The following IL17C variants were observed in gnomAD, a reference collection of about 807,000 sequenced individuals.
The protein encoded by IL17C is interleukin 17C.
In IL17C, 13 loss-of-function variants were observed where a neutral mutation model predicts 11.0. The observed-to-expected ratio is 1.18, with a 90% CI of 0.77 to 1.88. The LOEUF (loss-of-function observed/expected upper bound fraction) is 1.88, where lower values mean the gene tolerates loss of function less well. Among genes scored for constraint, IL17C ranks in the 40% most tolerant of loss-of-function variants. IL17C has a pLI of 0.00. For missense variants in IL17C, 357 were observed against 278.2 expected (o/e 1.28, Z -2.01); for synonymous variants, 150 against 125.8 (o/e 1.19, Z -1.29).
Position 88,640,074 on chromosome 16 carries a change from C to A in IL17C, c.*2C>A. Reference sequence around the variant, plus strand: ...TGCGTGCTGCCCCGTTCAGTGTGACCGCCGAGGCCGTGGGGCCCCTAGACT... The same window carrying A: ...TGCGTGCTGCCCCGTTCAGTGTGACAGCCGAGGCCGTGGGGCCCCTAGACT... On this transcript the variant is annotated 3_prime_UTR_variant, in exon 3 of 3. Transcript: ENST00000244241. 1 of 1,543,268 alleles carries A rather than the reference C, an allele frequency of 6.5e-7. No homozygotes were observed. The highest frequency in any genetic ancestry group is 1.2e-5 in the South Asian group (1 of 81,278).
Position 88,638,627 on chromosome 16 carries a change from C to T in IL17C, c.-15C>T, listed in dbSNP as rs762194120. Reference sequence around the variant, plus strand: ...GCAGGCCGCTCCAAGCCCAGCCTGCCCCGCTGCCGCCACCATGACGGTGAG... The same window carrying T: ...GCAGGCCGCTCCAAGCCCAGCCTGCTCCGCTGCCGCCACCATGACGGTGAG... On this transcript the variant is annotated 5_prime_UTR_variant, in exon 1 of 3. Transcript: ENST00000244241. The T allele has an allele frequency of 2.5e-6, 4 of 1,612,572 alleles. No homozygotes were observed. Among genetic ancestry groups the T allele is most frequent in the South Asian group, 1.1e-5 (1 of 91,060 alleles).
Position 88,640,019 on chromosome 16 carries a change from G to A in IL17C, c.541G>A (p.Glu181Lys), listed in dbSNP as rs1338619132. 1.2e-5 allele frequency: 19 copies of A among 1,600,470 alleles called. No individual in the cohort carries two copies. Among genetic ancestry groups the A allele is most frequent in the African/African-American group, 4.0e-5 (3 of 74,642 alleles). ...ACCTGGGGCCTTTGCCTTCCACACCGAGTTCATCCACGTCCCCGTCGGCTG... is the reference window on the plus strand; with the variant it reads ...ACCTGGGGCCTTTGCCTTCCACACCAAGTTCATCCACGTCCCCGTCGGCTG... Reference protein sequence around the residue: ...PTPGAFAFHTEFIHVPVGCTC... With the variant: ...PTPGAFAFHTKFIHVPVGCTC... The change falls in exon 3 of 3, where the codon GAG becomes AAG. Residue 181 changes from glutamate to lysine, a missense_variant. Coordinates refer to ENST00000244241, the MANE Select transcript of IL17C (RefSeq NM_013278.4).
Position 88,639,819 on chromosome 16 carries a change from A to G in IL17C, c.341A>G (p.Asp114Gly). The change falls in exon 3 of 3, where the codon GAC (aspartate) becomes GGC (glycine). Residue 114 changes from aspartate to glycine, a missense_variant. Asp to Gly is a moderately conservative substitution (Grantham distance 94). Coordinates refer to ENST00000244241, the MANE Select transcript of IL17C (RefSeq NM_013278.4). The surrounding 1 kb of genome is among the most constrained non-coding windows in gnomAD (Gnocchi z 5.1). ...RSISPWRYRV[D>G]TDEDRYPQKL... ...CTGTGCACCCCGTCCCGCAGTGTGG[A>G]CACGGATGAGGACCGCTATCCACAG... The G allele has an allele frequency of 6.4e-7, 1 of 1,560,760 alleles. No individual in the cohort carries two copies. The highest frequency in any genetic ancestry group is 8.7e-7 in the Non-Finnish European group (1 of 1,152,578).
Position 88,640,272 on chromosome 16 carries a change from C to G in IL17C, c.*200C>G, listed in dbSNP as rs960113204. The G allele has an allele frequency of 3.4e-5, 19 of 557,454 alleles. No individual in the cohort carries two copies. Among genetic ancestry groups the G allele is most frequent in the Non-Finnish European group, 5.1e-5 (17 of 330,280 alleles). 34.5% of individuals were successfully genotyped at this position (557,454 alleles called of 1,614,324 possible). On this transcript the variant is annotated 3_prime_UTR_variant, in exon 3 of 3. Coordinates refer to ENST00000244241, the MANE Select transcript of IL17C (RefSeq NM_013278.4). Reference sequence around the variant, plus strand: ...GTTGGGGGTAGAAGGAGCTCAGCACCTCTTCCAGCCCTTAAAGCTGCAGAA... The same window carrying G: ...GTTGGGGGTAGAAGGAGCTCAGCACGTCTTCCAGCCCTTAAAGCTGCAGAA...
chr16:88,639,663 C>T lies in IL17C; in HGVS notation c.336-151C>T, dbSNP rs958599251. Reference sequence around the variant, plus strand: ...CCTGGGGAGACGTGGATTACCACCACATGTGAGCCCGACTGCACCCCAAGC... The same window carrying T: ...CCTGGGGAGACGTGGATTACCACCATATGTGAGCCCGACTGCACCCCAAGC... On this transcript the variant is annotated intron_variant, in intron 2 of 2. Coordinates refer to ENST00000244241, the MANE Select transcript of IL17C (RefSeq NM_013278.4). The surrounding 1 kb of genome is among the most constrained non-coding windows in gnomAD (Gnocchi z 5.1). The T allele has an allele frequency of 2.1e-6, 2 of 953,212 alleles. No homozygotes were observed. Among genetic ancestry groups the T allele is most frequent in the Admixed American group, 6.2e-5 (2 of 32,048 alleles). 59.0% of individuals were successfully genotyped at this position (953,212 alleles called of 1,614,324 possible). A position where few individuals can be genotyped will look rare whatever the true frequency, so the allele number is the denominator to read the frequency against.
chr16:88,638,648 G>A lies in IL17C; in HGVS notation c.6+1G>A. On this transcript the variant is annotated splice_donor_variant, in intron 1 of 2. Coordinates refer to ENST00000244241, the MANE Select transcript of IL17C (RefSeq NM_013278.4). LOFTEE classifies it high-confidence loss of function. ...CTGCCCCGCTGCCGCCACCATGACG[G>A]TGAGCCTCTCCACATGCCGCTCGGA... is the stretch of plus-strand genomic sequence containing the variant. The A allele has an allele frequency of 6.2e-7, 1 of 1,612,956 alleles. No individual in the cohort carries two copies. Among genetic ancestry groups the A allele is most frequent in the Non-Finnish European group, 8.5e-7 (1 of 1,180,010 alleles).
Position 88,640,090 on chromosome 16 carries a change from CCCCTAGACTGGACACGTGTGCT to C in IL17C, c.*22_*43del. 1 of 1,531,094 alleles carries C rather than the reference CCCCTAGACTGGACACGTGTGCT, an allele frequency of 6.5e-7. No individual in the cohort carries two copies. The highest frequency in any genetic ancestry group is 8.8e-7 in the Non-Finnish European group (1 of 1,138,396). 94.8% of individuals were successfully genotyped at this position (1,531,094 alleles called of 1,614,324 possible). Reference sequence around the variant, plus strand: ...CAGTGTGACCGCCGAGGCCGTGGGGCCCCTAGACTGGACACGTGTGCTCCCCAGAGGGCACCCCCTATTTATG... The same window carrying C: ...CAGTGTGACCGCCGAGGCCGTGGGGCCCCCAGAGGGCACCCCCTATTTATG... On this transcript the variant is annotated 3_prime_UTR_variant, in exon 3 of 3. Coordinates refer to ENST00000244241, the MANE Select transcript of IL17C (RefSeq NM_013278.4).
At chr16:88,638,901 G>A (rs1443614124) in intron 1 of IL17C, 80 bp from the exon 2 acceptor site, 2 of 1,343,074 alleles carry the variant, frequency 1.5e-6, no homozygotes, top group Non-Finnish European at 2.1e-6. Flanking sequence ...CTTTCCGCTG[G>A]GAACAAGGAA....
Position 88,639,339 on chromosome 16 carries a change from G to A in IL17C, c.335+30G>A. The stretch of plus-strand genomic sequence containing the variant: ...GGACCTGGGGATTCCGCTGTGGCGT[G>A]GGGCTGCCCCTCCCCTGGCGGGGCC... On this transcript the variant is annotated intron_variant, in intron 2 of 2. Transcript: ENST00000244241. The surrounding 1 kb of genome is among the most constrained non-coding windows in gnomAD (Gnocchi z 5.1). 1.3e-6 allele frequency: 2 copies of A among 1,519,316 alleles called. No individual in the cohort carries two copies. Among genetic ancestry groups the A allele is most frequent in the Non-Finnish European group, 1.8e-6 (2 of 1,132,890 alleles). 94.1% of individuals were successfully genotyped at this position (1,519,316 alleles called of 1,614,324 possible). A position where few individuals can be genotyped will look rare whatever the true frequency, so the allele number is the denominator to read the frequency against.
At position 88,638,997 on chromosome 16, in the gene IL17C, T is replaced by C; in HGVS notation, c.23T>C (p.Leu8Pro). Residue 8 changes from leucine to proline, a missense_variant, in exon 2 of 3, where the codon CTG becomes CCG. Coordinates refer to ENST00000244241, the MANE Select transcript of IL17C (RefSeq NM_013278.4). The part of the protein sequence containing the change: MTLLPGL[L>P]FLTWLHTCLA... ...TTTCACCAGCTCCTCCCCGGCCTCC[T>C]GTTTCTGACCTGGCTGCACACATGC... 6.3e-7 allele frequency: 1 copy of C among 1,574,926 alleles called. No homozygotes were observed. Among genetic ancestry groups the C allele is most frequent in the African/African-American group, 1.3e-5 (1 of 74,306 alleles).
In IL17C at chr16:88,639,152, C is replaced by CTCG. The variant is rs1906980645; in HGVS notation, c.178_179insTCG (p.Gln60delinsLeuGlu). The CTCG allele has an allele frequency of 1.9e-5, 31 of 1,612,834 alleles. No homozygotes were observed. The highest frequency in any genetic ancestry group is 2.5e-5 in the Non-Finnish European group (30 of 1,179,956). On this transcript the variant is annotated protein_altering_variant, in exon 2 of 3. Coordinates refer to ENST00000244241, the MANE Select transcript of IL17C (RefSeq NM_013278.4). The surrounding 1 kb of genome is among the most constrained non-coding windows in gnomAD (Gnocchi z 5.1). The stretch of plus-strand genomic sequence containing the variant: ...GCTGGCTCGAGGTGCCAAGTGGGGG[C>CTCG]AGGCTTTGCCTGTAGCCCTGGTGTC...
Position 88,639,825 on chromosome 16 carries a change from A to G in IL17C, c.347A>G (p.Asp116Gly). ...ISPWRYRVDT[D>G]EDRYPQKLAF... ...ACCCCGTCCCGCAGTGTGGACACGG[A>G]TGAGGACCGCTATCCACAGAAGCTG... The change falls in exon 3 of 3, where the codon GAT (aspartate) becomes GGT (glycine). Residue 116 changes from aspartate (D) to glycine (G), a missense_variant. Coordinates refer to ENST00000244241, the MANE Select transcript of IL17C (RefSeq NM_013278.4). This position sits in a 1 kb window ranked among gnomAD's most constrained non-coding sequence, Gnocchi z 5.1. The G allele has an allele frequency of 6.4e-7, 1 of 1,569,502 alleles. No individual in the cohort carries two copies. The highest frequency in any genetic ancestry group is 8.6e-7 in the Non-Finnish European group (1 of 1,158,054).
chr16:88,639,401 C>A lies in IL17C; in HGVS notation c.335+92C>A. 1 of 1,265,346 alleles carries A rather than the reference C, an allele frequency of 7.9e-7. No individual in the cohort carries two copies. The highest frequency in any genetic ancestry group is 2.7e-5 in the Admixed American group (1 of 36,752). 78.4% of individuals were successfully genotyped at this position (1,265,346 alleles called of 1,614,324 possible). On this transcript the variant is annotated intron_variant, in intron 2 of 2. Coordinates refer to ENST00000244241, the MANE Select transcript of IL17C (RefSeq NM_013278.4). The surrounding 1 kb of genome is among the most constrained non-coding windows in gnomAD (Gnocchi z 5.1). ...GAGAGCTCTCTGGGCCTTGGTGGTTCTCACCTGTCAAGTGGGCGTGGCCAC... is the reference window on the plus strand; with the variant it reads ...GAGAGCTCTCTGGGCCTTGGTGGTTATCACCTGTCAAGTGGGCGTGGCCAC...
chr16:88,638,864 A>G, intron 1 of IL17C, 117 bp from the exon 2 acceptor site: 1 of 1,184,212 alleles, frequency 8.4e-7, no homozygotes, highest in Non-Finnish European at 1.2e-6. Context: ...CAGTTTCCCC[A>G]TCTATAGAGG....
Position 88,640,078 on chromosome 16 carries a change from G to A in IL17C, c.*6G>A, listed in dbSNP as rs375092079. 1.3e-4 allele frequency: 201 copies of A among 1,540,794 alleles called. No individual in the cohort carries two copies. The highest frequency in any genetic ancestry group is 1.5e-4 in the Non-Finnish European group (171 of 1,141,836). Reference sequence around the variant, plus strand: ...TGCTGCCCCGTTCAGTGTGACCGCCGAGGCCGTGGGGCCCCTAGACTGGAC... The same window carrying A: ...TGCTGCCCCGTTCAGTGTGACCGCCAAGGCCGTGGGGCCCCTAGACTGGAC... On this transcript the variant is annotated 3_prime_UTR_variant, in exon 3 of 3. Coordinates refer to ENST00000244241, the MANE Select transcript of IL17C (RefSeq NM_013278.4).
At position 88,639,160 on chromosome 16, in the gene IL17C, GC is replaced by G; in HGVS notation, c.188del (p.Pro63LeufsTer2). On this transcript the variant is annotated frameshift_variant, in exon 2 of 3. Transcript: ENST00000244241. The surrounding 1 kb of genome is among the most constrained non-coding windows in gnomAD (Gnocchi z 5.1). ...GAGGTGCCAAGTGGGGGCAGGCTTT[GC>G]CTGTAGCCCTGGTGTCCAGCCTGGA... ...ARGAKWGQAL[P>X]VALVSSLEAA... 10 of 1,612,938 alleles carry G rather than the reference GC, an allele frequency of 6.2e-6. No homozygotes were observed. Among genetic ancestry groups the G allele is most frequent in the Non-Finnish European group, 8.5e-6 (10 of 1,179,930 alleles).
rs1246316706 is a variant in IL17C at position 88,640,240 on chromosome 16, C to T, written c.*168C>T. On this transcript the variant is annotated 3_prime_UTR_variant, in exon 3 of 3. Transcript: ENST00000244241. ...CCCCACTGTTCTCCTCATCTCCAGC[C>T]TCAGTAGTTGGGGGTAGAAGGAGCT... The T allele has an allele frequency of 5.6e-6, 4 of 710,442 alleles. No homozygotes were observed. The Admixed American group carries it at 1.4e-4, about 25-fold the overall frequency. The allele number at this position is 710,442 out of a possible 1,614,324, so 44.0% of individuals were successfully genotyped here. A position where few individuals can be genotyped will look rare whatever the true frequency, so the allele number is the denominator to read the frequency against.
intron 1 of IL17C, 119 bp downstream of exon 1, chr16:88,638,766 C>T (rs2142863563): frequency 6.8e-7 from 1 of 1,480,242 alleles, no homozygotes; most frequent in Non-Finnish European, 9.4e-7. Flanking sequence ...GGAAACCCCT[C>T]AGTCTGGGGG....
Position 88,639,399 on chromosome 16 carries a change from T to G in IL17C, c.335+90T>G. ...CGGAGAGCTCTCTGGGCCTTGGTGG[T>G]TCTCACCTGTCAAGTGGGCGTGGCC... On this transcript the variant is annotated intron_variant, in intron 2 of 2. Coordinates refer to ENST00000244241, the MANE Select transcript of IL17C (RefSeq NM_013278.4). The surrounding 1 kb of genome is among the most constrained non-coding windows in gnomAD (Gnocchi z 5.1). 1 of 1,267,652 alleles carries G rather than the reference T, an allele frequency of 7.9e-7. No individual in the cohort carries two copies. The highest frequency in any genetic ancestry group is 1.1e-6 in the Non-Finnish European group (1 of 943,096). The allele number at this position is 1,267,652 out of a possible 1,614,324, so 78.5% of individuals were successfully genotyped here. A position where few individuals can be genotyped will look rare whatever the true frequency, so the allele number is the denominator to read the frequency against.
Sources: gnomAD v4.1 joint callset for allele counts on GRCh38, gnomAD v4.1.1 for gene constraint, Gnocchi (gnomAD v3.1) non-coding constraint, MANE v1.5 for transcripts, NCBI Gene and HGNC (gene_info 2026-07-23, HGNC 2026-07-21) for gene names.